The following OPA3 variants were observed in gnomAD, a reference collection of about 807,000 sequenced individuals.
OPA3 encodes outer mitochondrial membrane lipid metabolism regulator OPA3.
In OPA3, 6 loss-of-function variants were observed where a neutral mutation model predicts 4.0. That is an observed-to-expected ratio of 1.51 (90% CI 0.83 to 2.99). The LOEUF is 2.99. OPA3 is among the 30% of genes most tolerant of loss of function. The pLI is 0.00. For synonymous variants in OPA3, 105 were observed against 117.1 expected, an observed-to-expected ratio of 0.90 and a Z score of 0.67; for missense variants, 235 against 256.2, an observed-to-expected ratio of 0.92 and a Z score of 0.56.
intron 1 of OPA3, among the ~76,000 whole-genome samples, chr19:45,558,194 T>G (rs1159681705): frequency 6.6e-6 from 1 of 151,892 alleles, no homozygotes; most frequent in African/African-American, 2.4e-5. Context: ...TAGCGGGGCG[T>G]GGTGGGAGGC....
intron 1 of OPA3, chr19:45,529,459 G>T: frequency 6.2e-7 from 1 of 1,613,114 alleles, no homozygotes; most frequent in Non-Finnish European, 8.5e-7. Context: ...GTGGTACACT[G>T]CAGGAAAAGA....
chr19:45,581,382 CG>C (rs1342187367), intron 1 of OPA3, among the ~76,000 whole-genome samples: 1 of 152,132 alleles, frequency 6.6e-6, no homozygotes. Flanking sequence ...GCTTTCCTTA[CG>C]CCTTGTCCTG....
chr19:45,538,938 A>C (rs927705231), intron 1 of OPA3, among the ~76,000 whole-genome samples: 1 of 152,210 alleles, frequency 6.6e-6, no homozygotes, highest in Admixed American at 6.6e-5. Context: ...GGTTTAGTTG[A>C]CTTACAGTTC....
chr19:45,584,290 C>T, intron 1 of OPA3: 4 of 969,096 alleles, frequency 4.1e-6, no homozygotes, highest in Non-Finnish European at 4.9e-6. Context: ...TCAGCCCCTC[C>T]CCTAGCTCCT....
chr19:45,548,645 G>A lies in OPA3; in HGVS notation c.*4869C>T. The A allele has an allele frequency of 2.1e-6, 2 of 965,062 alleles. No homozygotes were observed. Among genetic ancestry groups the A allele is most frequent in the Non-Finnish European group, 1.2e-6 (1 of 825,280 alleles). The allele number at this position is 965,062 out of a possible 1,614,324, so 59.8% of individuals were successfully genotyped here. A position where few individuals can be genotyped will look rare whatever the true frequency, so the allele number is the denominator to read the frequency against. On this transcript the variant is annotated 3_prime_UTR_variant, in exon 2 of 2. Coordinates refer to ENST00000263275, the MANE Select transcript of OPA3 (RefSeq NM_025136.4). Reference sequence around the variant, plus strand: ...GAGAGTGGGTAACTCAGTGAGTTTTGTGTTTTATTTTTTTTATTTTTTTTT... The same window carrying A: ...GAGAGTGGGTAACTCAGTGAGTTTTATGTTTTATTTTTTTTATTTTTTTTT...
chr19:45,572,429 A>G (rs1969687442), intron 1 of OPA3, among the ~76,000 whole-genome samples: 1 of 102,330 alleles, frequency 9.8e-6, no homozygotes, highest in South Asian at 3.1e-4. Flanking sequence ...GATATATATC[A>G]TGATATATGT....
chr19:45,567,481 C>A (rs965833145), intron 1 of OPA3, among the ~76,000 whole-genome samples: 1 of 151,678 alleles, frequency 6.6e-6, no homozygotes, highest in East Asian at 1.9e-4. Flanking sequence ...GAACAACAAG[C>A]AGAACTAATC....
chr19:45,536,794 G>A (rs1449775789), intron 1 of OPA3, among the ~76,000 whole-genome samples: 2 of 152,126 alleles, frequency 1.3e-5, no homozygotes, highest in East Asian at 3.9e-4. Context: ...GAAAAGAATG[G>A]ACTTTTTAAG....
At chr19:45,574,642 G>A (rs1322517828) in intron 1 of OPA3, among the ~76,000 whole-genome samples, 2 of 152,120 alleles carry the variant, frequency 1.3e-5, no homozygotes, top group Non-Finnish European at 2.9e-5. Flanking sequence ...GCCAAGATCC[G>A]AAGCCAAGAG....
chr19:45,575,952 G>A (rs1969760457), intron 1 of OPA3, among the ~76,000 whole-genome samples: 1 of 152,228 alleles, frequency 6.6e-6, no homozygotes, highest in Non-Finnish European at 1.5e-5. Flanking sequence ...CTGAAATGGG[G>A]GCCAGTTGTG....
intron 1 of OPA3, among the ~76,000 whole-genome samples, chr19:45,540,676 G>A (rs1195058304): frequency 2.6e-5 from 4 of 151,052 alleles, no homozygotes; most frequent in Admixed American, 6.6e-5. Flanking sequence ...GGTGACAGGC[G>A]CCTGCAATCC....
intron 1 of OPA3, among the ~76,000 whole-genome samples, chr19:45,529,926 G>T (rs1348837978): frequency 6.6e-6 from 1 of 151,466 alleles, no homozygotes; most frequent in Non-Finnish European, 1.5e-5. Flanking sequence ...TAGAAATGGG[G>T]GCTCCTTGCG....
In OPA3 at chr19:45,552,218, G is replaced by GT. The variant is rs1194126504; in HGVS notation, c.*1295_*1296insA. On this transcript the variant is annotated 3_prime_UTR_variant, in exon 2 of 2. Coordinates refer to ENST00000263275, the MANE Select transcript of OPA3 (RefSeq NM_025136.4). Reference sequence around the variant, plus strand: ...TGACTGCAGGCCAGGACCTTTTGTGGGTTTTTTTAAGATGGAGTTTTGCTC... The same window carrying GT: ...TGACTGCAGGCCAGGACCTTTTGTGGTGTTTTTTTAAGATGGAGTTTTGCTC... 3.1e-6 allele frequency: 3 copies of GT among 963,914 alleles called. No homozygotes were observed. Among genetic ancestry groups the GT allele is most frequent in the African/African-American group, 1.8e-5 (1 of 55,364 alleles). 59.7% of individuals were successfully genotyped at this position (963,914 alleles called of 1,614,324 possible).
At chr19:45,535,101 TAGAGGA>T (rs1197258660) in intron 1 of OPA3, among the ~76,000 whole-genome samples, 1 of 152,220 alleles carries the variant, frequency 6.6e-6, no homozygotes, top group Non-Finnish European at 1.5e-5. Flanking sequence ...TCTAGATTGG[TAGAGGA>T]AAAGATTTTC....
intron 1 of OPA3, among the ~76,000 whole-genome samples, chr19:45,533,438 C>T (rs1382825206): frequency 2.0e-5 from 3 of 152,226 alleles, no homozygotes; most frequent in African/African-American, 7.2e-5. Context: ...TCATGATCTG[C>T]CCGCCTTGGC....
intron 1 of OPA3, among the ~76,000 whole-genome samples, chr19:45,531,598 C>A (rs1192369013): frequency 6.6e-6 from 1 of 152,160 alleles, no homozygotes; most frequent in African/African-American, 2.4e-5. Flanking sequence ...TCCCTAGATA[C>A]CTTTTGCAGA....
intron 1 of OPA3, among the ~76,000 whole-genome samples, chr19:45,561,365 A>G (rs1455337320): frequency 3.3e-5 from 5 of 151,690 alleles, no homozygotes; most frequent in Admixed American, 3.3e-4. Flanking sequence ...AGGACAAAGC[A>G]CCTCTTCCCC....
exon 2 of OPA3, chr19:45,529,423 C>G (rs754626320): frequency 1.2e-6 from 2 of 1,614,210 alleles, no homozygotes; most frequent in Non-Finnish European, 1.7e-6. Flanking sequence ...ACCCATGATG[C>G]GCATTTTGGT....
chr19:45,581,961 G>A (rs1277219098), intron 1 of OPA3, among the ~76,000 whole-genome samples: 1 of 151,970 alleles, frequency 6.6e-6, no homozygotes, highest in Non-Finnish European at 1.5e-5. Context: ...ACCACACCCA[G>A]CTAATTTTTG....
Sources: gnomAD v4.1 joint callset for allele counts (sites outside exome capture counted in the v4.1 genomes callset) on GRCh38, gnomAD v4.1.1 for gene constraint, MANE v1.5 for transcripts, NCBI Gene and HGNC (gene_info 2026-07-23, HGNC 2026-07-21) for gene names.